Variants in NCK1 observed in about 807,000 individuals in gnomAD.
The protein encoded by NCK1 is SH2/SH3 adapter protein NCK1.
In NCK1, 19 loss-of-function variants were observed where a neutral mutation model predicts 36.6. That is an observed-to-expected ratio of 0.52 (90% CI 0.36 to 0.76). NCK1 has a LOEUF of 0.76. Ranked by LOEUF, NCK1 falls within the 30% of genes least tolerant of loss-of-function variation. NCK1 has a pLI of 0.00. For synonymous variants in NCK1, 165 were observed against 156.0 expected, an observed-to-expected ratio of 1.06 and a Z score of -0.43; for missense variants, 358 against 445.6, an observed-to-expected ratio of 0.80 and a Z score of 1.77.
chr3:136,916,898 G>A (rs1272441003), intron 1 of NCK1, among the ~76,000 whole-genome samples: 1 of 152,154 alleles, frequency 6.6e-6, no homozygotes. Context: ...ATCACTAACG[G>A]CAGAGCAGTG....
chr3:136,919,569 T>C (rs1405215725), intron 1 of NCK1, among the ~76,000 whole-genome samples: 3 of 152,146 alleles, frequency 2.0e-5, no homozygotes, highest in Non-Finnish European at 4.4e-5. Context: ...AGTAACCCTT[T>C]CTTAGAGAAC....
In NCK1 at chr3:136,870,687, T is replaced by TA. The variant is rs11332327; in HGVS notation, c.-19+8354dup. 7.0e-3 allele frequency among the ~76,000 whole-genome samples: 858 copies of TA among 123,354 alleles called. 11 individuals are homozygous for TA. The highest frequency in any genetic ancestry group is 0.025 in the African/African-American group (807 of 32,666). 80.9% of individuals were successfully genotyped at this position (123,354 alleles called of 152,430 possible). ...CTTTTCATTTCTTAGCTATAGTCTTTAAAAAAAAAAAAAAAAAAAAGGCCT... is the reference window on the plus strand; with the variant it reads ...CTTTTCATTTCTTAGCTATAGTCTTTAAAAAAAAAAAAAAAAAAAAAGGCCT... On this transcript the variant is annotated intron_variant, in intron 1 of 3. Transcript: ENST00000481752.
chr3:136,870,439 T>G (rs990691347), intron 1 of NCK1, among the ~76,000 whole-genome samples: 8 of 151,840 alleles, frequency 5.3e-5, no homozygotes, highest in African/African-American at 1.9e-4. Flanking sequence ...CAACAAATAC[T>G]GTAATATGTT....
intron 1 of NCK1, among the ~76,000 whole-genome samples, chr3:136,890,307 C>G (rs890612596): frequency 6.6e-6 from 1 of 152,290 alleles, no homozygotes; most frequent in Admixed American, 6.5e-5. Flanking sequence ...CGGGGCCTGC[C>G]AAGCCCACGC....
intron 1 of NCK1, among the ~76,000 whole-genome samples, chr3:136,879,416 C>G (rs1397400898): frequency 6.6e-6 from 1 of 152,092 alleles, no homozygotes; most frequent in Non-Finnish European, 1.5e-5. Flanking sequence ...TATACGCTTT[C>G]AATTAAAGCC....
At chr3:136,870,866 C>T (rs1041977903) in intron 1 of NCK1, among the ~76,000 whole-genome samples, 1 of 152,102 alleles carries the variant, frequency 6.6e-6, no homozygotes, top group African/African-American at 2.4e-5. Context: ...TTAGGTTAAT[C>T]AGCATTAAGT....
At chr3:136,874,650 G>T (rs776239408) in intron 1 of NCK1, among the ~76,000 whole-genome samples, 2 of 152,032 alleles carry the variant, frequency 1.3e-5, no homozygotes, top group Admixed American at 6.6e-5. Flanking sequence ...TAAAACTAGC[G>T]ACTCCCTTTG....
intron 1 of NCK1, among the ~76,000 whole-genome samples, chr3:136,884,886 A>G (rs1560035088): frequency 6.6e-6 from 1 of 151,598 alleles, no homozygotes; most frequent in Non-Finnish European, 1.5e-5. Flanking sequence ...ACAACTGGCT[A>G]ATTTTTGTAT....
At chr3:136,894,797 T>C (rs1196850469) in intron 1 of NCK1, among the ~76,000 whole-genome samples, 3 of 152,232 alleles carry the variant, frequency 2.0e-5, no homozygotes, top group Non-Finnish European at 4.4e-5. Flanking sequence ...GCTGTGATCC[T>C]AAATTTTGCT....
intron 1 of NCK1, among the ~76,000 whole-genome samples, chr3:136,908,731 T>C (rs1363715194): frequency 1.3e-5 from 2 of 152,198 alleles, no homozygotes; most frequent in Non-Finnish European, 2.9e-5. Flanking sequence ...AATTGGTAGC[T>C]CTTAGGAAGA....
At chr3:136,910,221 GCTA>G (rs778519115) in intron 1 of NCK1, among the ~76,000 whole-genome samples, 14 of 152,146 alleles carry the variant, frequency 9.2e-5, no homozygotes, top group Non-Finnish European at 1.8e-4. Flanking sequence ...CTATTCAGTA[GCTA>G]CTTTTTGTAG....
intron 1 of NCK1, among the ~76,000 whole-genome samples, chr3:136,888,407 AT>A (rs111836974): frequency 1.1e-3 from 156 of 145,748 alleles, no homozygotes; most frequent in South Asian, 4.3e-3. Context: ...CAATATCAGA[AT>A]TTTTTTTTTT....
chr3:136,904,184 G>T (rs6800690), intron 1 of NCK1, among the ~76,000 whole-genome samples: 1 of 151,782 alleles, frequency 6.6e-6, no homozygotes, highest in African/African-American at 2.4e-5. Flanking sequence ...AGACAGTCTC[G>T]CTCTGCCACC....
At chr3:136,885,316 G>A (rs1252114571) in intron 1 of NCK1, among the ~76,000 whole-genome samples, 1 of 152,122 alleles carries the variant, frequency 6.6e-6, no homozygotes, top group Admixed American at 6.6e-5. Context: ...TATAAAAGGA[G>A]GGAATTGTCT....
At chr3:136,940,605 C>A (rs563251834) in intron 2 of NCK1, among the ~76,000 whole-genome samples, 2 of 151,788 alleles carry the variant, frequency 1.3e-5, no homozygotes, top group African/African-American at 2.4e-5. Flanking sequence ...AGTGCAGTGG[C>A]GTGACCTCGG....
At chr3:136,892,830 G>C (rs1419129791) in intron 1 of NCK1, among the ~76,000 whole-genome samples, 1 of 152,136 alleles carries the variant, frequency 6.6e-6, no homozygotes, top group Non-Finnish European at 1.5e-5. Context: ...CTTTATTTCA[G>C]TAGGTTTTTG....
chr3:136,924,975 A>G (rs565980745), intron 1 of NCK1, among the ~76,000 whole-genome samples: 42 of 152,304 alleles, frequency 2.8e-4, no homozygotes, highest in African/African-American at 9.9e-4. Flanking sequence ...AAATCATGGG[A>G]TTCCAGTTCC....
chr3:136,934,225 A>G (rs1041335462), intron 2 of NCK1, among the ~76,000 whole-genome samples: 27 of 152,072 alleles, frequency 1.8e-4, no homozygotes, highest in African/African-American at 6.0e-4. Context: ...GGTTGGGGGT[A>G]CATGTGAAGG....
intron 1 of NCK1, among the ~76,000 whole-genome samples, chr3:136,905,913 C>T (rs888534287): frequency 3.9e-5 from 6 of 152,144 alleles, no homozygotes; most frequent in Non-Finnish European, 7.3e-5. Context: ...GTCTGAGCTA[C>T]TGCACCTGGC....
Sources: gnomAD v4.1 joint callset for allele counts (sites outside exome capture counted in the v4.1 genomes callset) on GRCh38, gnomAD v4.1.1 for gene constraint, MANE v1.5 for transcripts, NCBI Gene and HGNC (gene_info 2026-07-23, HGNC 2026-07-21) for gene names.